Variants in WDR59 observed in about 807,000 individuals in gnomAD.
The protein encoded by WDR59 is WD repeat domain 59.
A neutral mutation model predicts 131.2 loss-of-function variants in WDR59; 100 were observed. The ratio of observed to expected loss-of-function variants is 0.76; its 90% CI spans 0.65 to 0.90. The LOEUF is 0.90. Ranked by LOEUF, WDR59 falls within the 40% of genes least tolerant of loss-of-function variation. The probability of loss-of-function intolerance (pLI) is 0.00; values close to 1 mark genes in which losing one functional copy is unlikely to be tolerated. For synonymous variants in WDR59, 601 were observed against 466.2 expected, an observed-to-expected ratio of 1.29 and a Z score of -3.72; for missense variants, 1,203 against 1,262.2, an observed-to-expected ratio of 0.95 and a Z score of 0.71.
At chr16:74,954,710 T>C (rs2033194911) in intron 3 of WDR59, among the ~76,000 whole-genome samples, 1 of 152,180 alleles carries the variant, frequency 6.6e-6, no homozygotes, top group African/African-American at 2.4e-5. Context: ...CTCTATTCAA[T>C]AGCCAGTCAA....
chr16:74,931,364 A>G (rs1177212130), intron 8 of WDR59, among the ~76,000 whole-genome samples: 1 of 152,090 alleles, frequency 6.6e-6, no homozygotes, highest in Non-Finnish European at 1.5e-5. Flanking sequence ...GAGAGATGGT[A>G]TCCCTTTTTC....
At chr16:74,908,707 G>T in intron 17 of WDR59, 2 of 474,664 alleles carry the variant, frequency 4.2e-6, no homozygotes, top group Non-Finnish European at 7.4e-6. Flanking sequence ...TCTTCTAATG[G>T]TTTGGTAATA....
intron 8 of WDR59, among the ~76,000 whole-genome samples, chr16:74,937,204 A>G (rs766680489): frequency 4.9e-4 from 75 of 152,202 alleles, no homozygotes; most frequent in Non-Finnish European, 9.0e-4. Flanking sequence ...AAAGACAAAC[A>G]AACAACACTG....
intron 13 of WDR59, among the ~76,000 whole-genome samples, chr16:74,913,512 A>C (rs1966209694): frequency 6.6e-6 from 1 of 151,986 alleles, no homozygotes; most frequent in Admixed American, 6.6e-5. Context: ...GCTGGTCTCA[A>C]ACTCCTGACC....
intron 14 of WDR59, among the ~76,000 whole-genome samples, chr16:74,910,697 G>A (rs1464270144): frequency 6.6e-6 from 1 of 152,156 alleles, no homozygotes; most frequent in Non-Finnish European, 1.5e-5. Flanking sequence ...ACCCATTTAT[G>A]CCTAATGTTC....
At chr16:74,936,025 T>C (rs1469651662) in intron 8 of WDR59, among the ~76,000 whole-genome samples, 1 of 151,830 alleles carries the variant, frequency 6.6e-6, no homozygotes, top group Non-Finnish European at 1.5e-5. Context: ...GTCTTCCTTC[T>C]AGGATATAGT....
intron 1 of WDR59, among the ~76,000 whole-genome samples, chr16:74,968,161 G>T (rs993589235): frequency 6.6e-6 from 1 of 152,120 alleles, no homozygotes; most frequent in African/African-American, 2.4e-5. Flanking sequence ...CTGTTTAATG[G>T]GTACAGAGCT....
intron 8 of WDR59, among the ~76,000 whole-genome samples, chr16:74,937,543 C>G (rs983682993): frequency 1.3e-5 from 2 of 152,108 alleles, no homozygotes; most frequent in Non-Finnish European, 2.9e-5. Context: ...GCTCGGTCGC[C>G]CAGGTTGGAG....
intron 1 of WDR59, among the ~76,000 whole-genome samples, chr16:74,971,600 T>C (rs2033987741): frequency 6.6e-6 from 1 of 151,644 alleles, no homozygotes; most frequent in South Asian, 2.1e-4. Context: ...GCCTGGCTGT[T>C]TTTTGTATTT....
At chr16:74,956,654 TCATTAG>T (rs1567431049) in intron 2 of WDR59, 44 bp from the exon 3 acceptor site, 1 of 1,594,144 alleles carries the variant, frequency 6.3e-7, no homozygotes, top group Admixed American at 1.8e-5. Context: ...AAACACAACA[TCATTAG>T]CATTAAGATA....
intron 2 of WDR59, among the ~76,000 whole-genome samples, chr16:74,964,184 G>T (rs1212106365): frequency 1.3e-5 from 2 of 152,102 alleles, no homozygotes; most frequent in Non-Finnish European, 2.9e-5. Flanking sequence ...TTCAAGATCA[G>T]CCTGGCCAAT....
chr16:74,902,883 G>C (rs991826966), intron 18 of WDR59, among the ~76,000 whole-genome samples: 1 of 151,500 alleles, frequency 6.6e-6, no homozygotes, highest in African/African-American at 2.4e-5. Flanking sequence ...AATTCCATCA[G>C]AGATGTGAGG....
intron 14 of WDR59, among the ~76,000 whole-genome samples, chr16:74,910,787 T>G (rs1966046776): frequency 2.0e-5 from 3 of 152,332 alleles, no homozygotes; most frequent in Admixed American, 2.0e-4. Flanking sequence ...TTTCCTTTGT[T>G]TTTTTGAGGA....
chr16:74,892,586 T>G (rs1163834775), intron 19 of WDR59, 21 bp from the exon 20 acceptor site: 1 of 1,596,012 alleles, frequency 6.3e-7, no homozygotes, highest in East Asian at 2.2e-5. Flanking sequence ...TTAAAAAGAA[T>G]TAAACATTTC....
At chr16:74,976,174 TATTA>T (rs2034172369) in intron 1 of WDR59, among the ~76,000 whole-genome samples, 1 of 152,154 alleles carries the variant, frequency 6.6e-6, no homozygotes, top group African/African-American at 2.4e-5. Context: ...ACACACAGAT[TATTA>T]ATTACTTATA....
intron 25 of WDR59, among the ~76,000 whole-genome samples, chr16:74,880,141 A>G (rs547068434): frequency 6.6e-6 from 1 of 151,938 alleles, no homozygotes; most frequent in South Asian, 2.1e-4. Flanking sequence ...TTAGATTCAA[A>G]TCTCATTTAA....
intron 1 of WDR59, among the ~76,000 whole-genome samples, chr16:74,968,303 A>T (rs1218861168): frequency 2.6e-5 from 4 of 152,234 alleles, no homozygotes; most frequent in Non-Finnish European, 5.9e-5. Flanking sequence ...CAACATGAAG[A>T]TTCGCATTGC....
chr16:74,886,580 T>G, intron 23 of WDR59, 184 bp from the exon 24 acceptor site: 1 of 688,516 alleles, frequency 1.5e-6, no homozygotes, highest in Non-Finnish European at 2.2e-6. Flanking sequence ...GCGCAGGTAT[T>G]TATTACTAAG....
At chr16:74,959,239 G>C (rs2033451808) in intron 2 of WDR59, 3 of 269,266 alleles carry the variant, frequency 1.1e-5, no homozygotes, top group Admixed American at 1.0e-4. Context: ...TCTTCAGATA[G>C]ACTTCTCAGG....
Sources: gnomAD v4.1 joint callset for allele counts (sites outside exome capture counted in the v4.1 genomes callset) on GRCh38, gnomAD v4.1.1 for gene constraint, MANE v1.5 for transcripts, NCBI Gene and HGNC (gene_info 2026-07-23, HGNC 2026-07-21) for gene names.